The following SMARCA1 variants were observed in gnomAD, a reference collection of about 807,000 sequenced individuals.
SMARCA1 encodes SNF2 related chromatin remodeling ATPase 1, also known as SWI/SNF-related matrix-associated actin-dependent regulator of chromatin subfamily A member 1.
SMARCA1 carries 17 observed loss-of-function variants against 93.6 expected under a neutral mutation model. That is an observed-to-expected ratio of 0.18 (90% CI 0.12 to 0.27). SMARCA1 has a LOEUF of 0.27. Ranked by LOEUF, SMARCA1 falls within the 10% of genes least tolerant of loss-of-function variation. The probability of loss-of-function intolerance (pLI) is 1.00; values close to 1 mark genes in which losing one functional copy is unlikely to be tolerated. For missense variants in SMARCA1, 630 were observed against 819.0 expected (o/e 0.77, Z 2.82); for synonymous variants, 271 against 271.4 (o/e 1.00, Z 0.01).
chrX:129,460,405 T>C (rs893522847), intron 23 of SMARCA1, among the ~76,000 whole-genome samples: 1 of 110,385 alleles, frequency 9.1e-6, no homozygotes, highest in East Asian at 2.8e-4. Context: ...CCCAGCACTT[T>C]GGGAGACCGC....
intron 23 of SMARCA1, among the ~76,000 whole-genome samples, chrX:129,455,731 C>T (rs1932593547): frequency 8.9e-6 from 1 of 112,057 alleles, no homozygotes; most frequent in Admixed American, 9.5e-5. Flanking sequence ...TTCCCTTAAG[C>T]CAAAGCCTCA....
chrX:129,471,197 AT>A lies in SMARCA1; in HGVS notation c.2565+6del, dbSNP rs746712295. 8.5e-7 allele frequency: 1 copy of A among 1,180,239 alleles called. No individual in the cohort carries two copies. Among genetic ancestry groups the A allele is most frequent in the South Asian group, 1.9e-5 (1 of 52,519 alleles). On this transcript the variant is annotated splice_donor_region_variant and intron_variant, in intron 20 of 24. Transcript: ENST00000371121. ...TGTAAGTATTACAGCCATTGAAAAT[AT>A]TTTACTTGTGTGAGAAGTTTTTCCT...
At chrX:129,492,758 G>A (rs767032209) in intron 13 of SMARCA1, among the ~76,000 whole-genome samples, 3 of 110,992 alleles carry the variant, frequency 2.7e-5, no homozygotes, top group Non-Finnish European at 5.7e-5. Flanking sequence ...ACAAAGTCCA[G>A]TAGAAAAATG....
chrX:129,518,308 C>T, intron 2 of SMARCA1, 53 bp downstream of exon 2: 1 of 693,395 alleles, frequency 1.4e-6, no homozygotes, highest in African/African-American at 2.2e-5. Context: ...TTTAACATCT[C>T]AACTATAAAA....
chrX:129,521,076 G>A (rs372503959), intron 1 of SMARCA1, among the ~76,000 whole-genome samples: 21 of 110,638 alleles, frequency 1.9e-4, no homozygotes, highest in African/African-American at 6.9e-4. Context: ...AGTAGAGACG[G>A]GGTTTCACCA....
intron 5 of SMARCA1, among the ~76,000 whole-genome samples, chrX:129,512,400 T>C (rs1489923550): frequency 9.0e-6 from 1 of 111,727 alleles, no homozygotes; most frequent in Non-Finnish European, 1.9e-5. Context: ...GTTCCTAACA[T>C]TATTACAGCC....
chrX:129,468,818 G>A lies in SMARCA1; in HGVS notation c.2653C>T (p.Arg885Ter). The A allele has an allele frequency of 8.4e-7, 1 of 1,187,172 alleles. No homozygotes were observed. Among genetic ancestry groups the A allele is most frequent in the Non-Finnish European group, 1.1e-6 (1 of 875,098 alleles). The change falls in exon 21 of 25, where the codon CGA (arginine) becomes TGA (stop). Residue 885 changes from arginine (R) to a stop codon, truncating the protein, a stop_gained. Transcript: ENST00000371121. LOFTEE classifies it high-confidence loss of function. The part of the protein sequence containing the change: ...YGRDDIDNIA[R>*]EVEGKSPEEV... Reference sequence around the variant, plus strand: ...TCAGGGGATTTGCCCTCTACCTCTCGAGCTATGTTATCAATGTCATCTCTT... The same window carrying A: ...TCAGGGGATTTGCCCTCTACCTCTCAAGCTATGTTATCAATGTCATCTCTT...
intron 12 of SMARCA1, 125 bp from the exon 13 acceptor site, chrX:129,493,200 T>C (rs1013432075): frequency 1.2e-5 from 4 of 320,834 alleles, no homozygotes; most frequent in Non-Finnish European, 2.3e-5. Flanking sequence ...GAATTACTTA[T>C]AGTACATCCA....
chrX:129,449,312 C>T (rs1464154507), intron 23 of SMARCA1, among the ~76,000 whole-genome samples: 3 of 111,752 alleles, frequency 2.7e-5, no homozygotes, highest in Non-Finnish European at 5.6e-5. Flanking sequence ...CTTTCAGTTC[C>T]CTATGTGCAC....
chrX:129,462,841 AAG>A (rs201360574), intron 23 of SMARCA1, among the ~76,000 whole-genome samples: 2,157 of 111,294 alleles, frequency 0.019, 48 homozygotes, highest in African/African-American at 0.066. Context: ...TCGGTAAAGA[AAG>A]AGTACAGAGG....
intron 12 of SMARCA1, among the ~76,000 whole-genome samples, chrX:129,494,811 C>T (rs980853861): frequency 8.9e-6 from 1 of 112,393 alleles, no homozygotes; most frequent in Non-Finnish European, 1.9e-5. Context: ...GGCTTGCACA[C>T]GCTGCAAAGT....
intron 1 of SMARCA1, among the ~76,000 whole-genome samples, 170 bp downstream of exon 1, chrX:129,523,027 G>A (rs1256873557): frequency 9.0e-6 from 1 of 111,674 alleles, no homozygotes; most frequent in Non-Finnish European, 1.9e-5. Flanking sequence ...AGAAGGAAAG[G>A]GGGAGGGGAG....
In SMARCA1 at chrX:129,471,208, G is replaced by A; in HGVS notation, c.2561C>T (p.Thr854Ile). 4 of 1,188,526 alleles carry A rather than the reference G, an allele frequency of 3.4e-6. No individual in the cohort carries two copies. Among genetic ancestry groups the A allele is most frequent in the Non-Finnish European group, 4.5e-6 (4 of 883,770 alleles). The change falls in exon 20 of 25, where the codon ACA becomes ATA. Residue 854 changes from threonine (T) to isoleucine (I), a missense_variant. By Grantham distance (89) the Thr-to-Ile change is moderately conservative (BLOSUM62 -1). This residue lies in a region of SMARCA1 where 52 missense variants were observed against 38.3 expected (regional missense o/e 1.36). Coordinates refer to ENST00000371121, the MANE Select transcript of SMARCA1 (RefSeq NM_001282874.2). ...EETEEKEKLL[T>I]QGFTNWTKRD... is the part of the protein sequence containing the mutation. The stretch of plus-strand genomic sequence containing the variant: ...CAGCCATTGAAAATATTTTACTTGT[G>A]TGAGAAGTTTTTCCTTTTCTTCAGT...
In SMARCA1 at chrX:129,491,232, A is replaced by C. The variant is rs1013599399; in HGVS notation, c.1815+709T>G. Among the ~76,000 whole-genome samples the C allele has an allele frequency of 3.6e-5, 4 of 111,630 alleles. No homozygotes were observed. In the Admixed American group the frequency reaches 3.8e-4, roughly 11 times the overall value. On this transcript the variant is annotated intron_variant, in intron 14 of 24. Transcript: ENST00000371121. ...CCCAAAAAGACACTTATCCATAGCT[A>C]TATATTCAAAACCTAAGAAGTTATT...
chrX:129,503,987 GA>G (rs1483355794), intron 9 of SMARCA1, among the ~76,000 whole-genome samples: 1 of 101,453 alleles, frequency 9.9e-6, no homozygotes, highest in East Asian at 3.1e-4. Flanking sequence ...AAAAAGAAAA[GA>G]AAAGAAAGGT....
intron 16 of SMARCA1, among the ~76,000 whole-genome samples, chrX:129,488,286 CAAA>C (rs34476497): frequency 1.3e-4 from 6 of 46,693 alleles, no homozygotes; most frequent in African/African-American, 3.4e-4. Flanking sequence ...TAGTCCAGTG[CAAA>C]AAAAAAAAAA....
At chrX:129,457,534 G>T (rs756294430) in intron 23 of SMARCA1, among the ~76,000 whole-genome samples, 2 of 112,273 alleles carry the variant, frequency 1.8e-5, no homozygotes, top group East Asian at 5.6e-4. Flanking sequence ...TTGACACAGA[G>T]TTCATAAAAT....
At chrX:129,506,493 C>G (rs1934813884) in intron 7 of SMARCA1, among the ~76,000 whole-genome samples, 1 of 109,262 alleles carries the variant, frequency 9.2e-6, no homozygotes, top group Non-Finnish European at 1.9e-5. Context: ...TTGAGACAGA[C>G]TTGCCAACAT....
intron 5 of SMARCA1, 90 bp downstream of exon 5, chrX:129,515,597 G>C (rs1935168246): frequency 1.8e-6 from 1 of 570,482 alleles, no homozygotes; most frequent in Non-Finnish European, 3.0e-6. Context: ...AAGCCTCCAG[G>C]CATCAGGGGG....
Sources: gnomAD v4.1 joint callset for allele counts (sites outside exome capture counted in the v4.1 genomes callset) on GRCh38, gnomAD v4.1.1 for gene constraint, gnomAD v4.1.1 regional missense constraint, MANE v1.5 for transcripts, NCBI Gene and HGNC (gene_info 2026-07-23, HGNC 2026-07-21) for gene names.